FNBP1L: variants seen among roughly 807,000 people sequenced by gnomAD.
FNBP1L encodes the protein formin binding protein 1 like, also known as formin-binding protein 1-like.
Under a neutral mutation model 91.2 loss-of-function variants are expected in FNBP1L, and 36 were observed. The observed-to-expected ratio is 0.39, with a 90% confidence interval of 0.30 to 0.52. The LOEUF (loss-of-function observed/expected upper bound fraction) is 0.52. Ranked by LOEUF, FNBP1L falls within the 20% of genes least tolerant of loss-of-function variation. FNBP1L has a pLI of 0.66. For missense variants in FNBP1L, 571 were observed against 732.1 expected, an observed-to-expected ratio of 0.78 and a Z score of 2.54; for synonymous variants, 242 against 237.0, an observed-to-expected ratio of 1.02 and a Z score of -0.19.
chr1:93,474,758 A>G (rs976422658), intron 1 of FNBP1L, among the ~76,000 whole-genome samples: 1 of 152,144 alleles, frequency 6.6e-6, no homozygotes, highest in Non-Finnish European at 1.5e-5. Flanking sequence ...AGCTAGAGAG[A>G]TGATGGCCAG....
At chr1:93,483,547 T>C (rs936978254) in intron 1 of FNBP1L, among the ~76,000 whole-genome samples, 9 of 152,218 alleles carry the variant, frequency 5.9e-5, no homozygotes, top group Non-Finnish European at 1.5e-5. Context: ...ACATTAATCA[T>C]AATTTCTTAA....
intron 2 of FNBP1L, among the ~76,000 whole-genome samples, chr1:93,515,796 G>A (rs1266656915): frequency 2.0e-5 from 3 of 151,360 alleles, no homozygotes; most frequent in Non-Finnish European, 4.4e-5. Flanking sequence ...TATAGCATTG[G>A]GAGATATACG....
Position 93,534,702 on chromosome 1 carries a change from T to C in FNBP1L, c.787-3T>C. On this transcript the variant is annotated splice_polypyrimidine_tract_variant and splice_region_variant and intron_variant, in intron 8 of 16. Coordinates refer to ENST00000271234, the MANE Select transcript of FNBP1L (RefSeq NM_001164473.3). ...GTTTTAAAACCTAGTTTCTTTTGTA[T>C]AGGACTCTCAAATGGTGGTAGACTC... 6.4e-7 allele frequency: 1 copy of C among 1,558,156 alleles called. No individual in the cohort carries two copies. The highest frequency in any genetic ancestry group is 8.7e-7 in the Non-Finnish European group (1 of 1,148,456).
At chr1:93,488,625 C>T (rs1351777368) in intron 1 of FNBP1L, among the ~76,000 whole-genome samples, 4 of 152,180 alleles carry the variant, frequency 2.6e-5, no homozygotes, top group Non-Finnish European at 5.9e-5. Flanking sequence ...CTGGCGCTCA[C>T]ACACTCCAAT....
chr1:93,475,397 G>A (rs1669456472), intron 1 of FNBP1L, among the ~76,000 whole-genome samples: 1 of 152,068 alleles, frequency 6.6e-6, no homozygotes, highest in Non-Finnish European at 1.5e-5. Context: ...AAAAAAATTA[G>A]GCAGGGTGGT....
At chr1:93,487,330 A>T (rs1351649067) in intron 1 of FNBP1L, among the ~76,000 whole-genome samples, 1 of 151,994 alleles carries the variant, frequency 6.6e-6, no homozygotes, top group Non-Finnish European at 1.5e-5. Context: ...CTTTCTTTTC[A>T]TCCAAGAAAG....
At chr1:93,524,040 A>G (rs1267907804) in intron 4 of FNBP1L, among the ~76,000 whole-genome samples, 1 of 152,182 alleles carries the variant, frequency 6.6e-6, no homozygotes, top group Non-Finnish European at 1.5e-5. Flanking sequence ...TCAAGGTTAT[A>G]TGTAAAGTGT....
chr1:93,547,569 T>G, intron 14 of FNBP1L, 128 bp downstream of exon 14: 2 of 704,558 alleles, frequency 2.8e-6, no homozygotes, highest in Non-Finnish European at 4.7e-6. Context: ...CTCAGTCTTT[T>G]GAACCTAAGT....
intron 2 of FNBP1L, among the ~76,000 whole-genome samples, chr1:93,509,212 C>T (rs944226290): frequency 6.6e-6 from 1 of 152,194 alleles, no homozygotes; most frequent in Non-Finnish European, 1.5e-5. Context: ...TTTATTAACA[C>T]TCTTAATCAT....
intron 5 of FNBP1L, among the ~76,000 whole-genome samples, chr1:93,525,858 T>C (rs1367647616): frequency 1.3e-5 from 2 of 152,182 alleles, no homozygotes; most frequent in African/African-American, 2.4e-5. Flanking sequence ...GGTTCTTGTT[T>C]TTGTAGCACT....
chr1:93,529,271 TA>T (rs1270806905), intron 5 of FNBP1L, among the ~76,000 whole-genome samples: 1 of 152,128 alleles, frequency 6.6e-6, no homozygotes, highest in Non-Finnish European at 1.5e-5. Flanking sequence ...CAGTCATGCC[TA>T]TGTTATTTTT....
intron 16 of FNBP1L, chr1:93,552,126 C>T (rs1362517816): frequency 4.3e-6 from 5 of 1,170,810 alleles, no homozygotes; most frequent in Admixed American, 4.6e-5. Context: ...TAAATTTTTC[C>T]AATTAGTTTC....
intron 1 of FNBP1L, among the ~76,000 whole-genome samples, chr1:93,485,761 G>A (rs753123214): frequency 6.6e-6 from 1 of 151,984 alleles, no homozygotes; most frequent in Admixed American, 6.6e-5. Context: ...CAGTGGTGTG[G>A]TCTCAGCTCA....
intron 1 of FNBP1L, among the ~76,000 whole-genome samples, chr1:93,493,213 A>G (rs1268000447): frequency 1.3e-5 from 2 of 152,092 alleles, no homozygotes; most frequent in Non-Finnish European, 2.9e-5. Flanking sequence ...GCAGTGAGCC[A>G]TGGGGCATCT....
intron 5 of FNBP1L, among the ~76,000 whole-genome samples, chr1:93,527,538 G>C (rs2101754718): frequency 6.6e-6 from 1 of 152,258 alleles, no homozygotes; most frequent in South Asian, 2.1e-4. Context: ...AGGTTGCAAG[G>C]TGCGTATTTT....
intron 9 of FNBP1L, 28 bp from the exon 10 acceptor site, chr1:93,536,304 T>C: frequency 7.0e-7 from 1 of 1,418,444 alleles, no homozygotes; most frequent in South Asian, 1.7e-5. Context: ...ATTTGGCTTA[T>C]TGATTCCTTT....
chr1:93,538,173 C>T (rs200335478), intron 10 of FNBP1L, among the ~76,000 whole-genome samples: 5 of 149,870 alleles, frequency 3.3e-5, no homozygotes, highest in Non-Finnish European at 5.9e-5. Context: ...CATAGAGATG[C>T]GAGGTAAGTG....
At chr1:93,510,798 C>T (rs554634569) in intron 2 of FNBP1L, among the ~76,000 whole-genome samples, 220 of 152,066 alleles carry the variant, frequency 1.4e-3, no homozygotes, top group Non-Finnish European at 2.1e-3. Flanking sequence ...TCAAGAACTA[C>T]GTGAAGAATG....
intron 2 of FNBP1L, among the ~76,000 whole-genome samples, chr1:93,509,499 G>C (rs1218812913): frequency 1.3e-5 from 2 of 152,218 alleles, no homozygotes; most frequent in Non-Finnish European, 2.9e-5. Flanking sequence ...TCCACAAGCT[G>C]TTACAAAAGA....
Sources: allele counts gnomAD v4.1 joint callset (sites outside exome capture counted in the v4.1 genomes callset), GRCh38; gene constraint gnomAD v4.1.1; transcripts MANE v1.5; gene names NCBI Gene and HGNC (gene_info 2026-07-23, HGNC 2026-07-21).